PHACTR3: variants seen among roughly 807,000 people sequenced by gnomAD.
PHACTR3 encodes protein phosphatase 1, regulatory subunit 123.
A neutral mutation model predicts 66.8 loss-of-function variants in PHACTR3; 16 were observed. That is an observed-to-expected ratio of 0.24 (90% CI 0.16 to 0.36). The LOEUF is 0.36. Among genes scored for constraint, PHACTR3 ranks in the 10% least tolerant of loss-of-function variants. PHACTR3 has a pLI of 1.00. For synonymous variants in PHACTR3, 323 were observed against 292.1 expected (o/e 1.11, Z -1.08); for missense variants, 647 against 719.9 (o/e 0.90, Z 1.16).
intron 8 of PHACTR3, among the ~76,000 whole-genome samples, chr20:59,809,879 C>T (rs6100602): frequency 0.12 from 18,638 of 152,134 alleles, 1,997 homozygotes; most frequent in East Asian, 0.37. Context: ...CCATTGGGTC[C>T]AGCTGGCACT....
chr20:59,717,408 C>A (rs527811664), intron 1 of PHACTR3, among the ~76,000 whole-genome samples: 1 of 152,346 alleles, frequency 6.6e-6, no homozygotes, highest in East Asian at 1.9e-4. Context: ...GATACTGACA[C>A]GGATGAAATC....
intron 7 of PHACTR3, among the ~76,000 whole-genome samples, chr20:59,801,688 G>T (rs2041417674): frequency 6.6e-6 from 1 of 152,202 alleles, no homozygotes; most frequent in South Asian, 2.1e-4. Flanking sequence ...TGGCAACAAT[G>T]AACAAGGTAT....
intron 1 of PHACTR3, among the ~76,000 whole-genome samples, chr20:59,579,110 A>C (rs140958268): frequency 1.1e-3 from 166 of 152,322 alleles, no homozygotes; most frequent in Non-Finnish European, 2.2e-3. Context: ...ACAGTGGGGC[A>C]TATTCTGGGT....
intron 1 of PHACTR3, among the ~76,000 whole-genome samples, chr20:59,644,833 G>GT (rs1239560129): frequency 6.6e-6 from 1 of 151,888 alleles, no homozygotes; most frequent in Non-Finnish European, 1.5e-5. Flanking sequence ...GTTGGCCAGT[G>GT]TTTTTTTTAG....
chr20:59,703,000 A>C (rs1338569133), intron 1 of PHACTR3, among the ~76,000 whole-genome samples: 1 of 152,216 alleles, frequency 6.6e-6, no homozygotes, highest in Non-Finnish European at 1.5e-5. Flanking sequence ...AATCCATTTC[A>C]AAGAGATCCT....
chr20:59,644,527 G>T lies in PHACTR3; in HGVS notation c.118+39395G>T, dbSNP rs1337035841. Among the ~76,000 whole-genome samples the T allele has an allele frequency of 2.0e-5, 3 of 152,190 alleles. No individual in the cohort carries two copies. In the East Asian group the frequency reaches 5.8e-4, roughly 29 times the overall value. On this transcript the variant is annotated intron_variant, in intron 1 of 12. Coordinates refer to ENST00000371015, the MANE Select transcript of PHACTR3 (RefSeq NM_080672.5). The stretch of plus-strand genomic sequence containing the variant: ...TGAGTTTGTTTTTGCTCCCAGCTGG[G>T]ACTCCAGGGTCTAGCACTGGCCTGG...
chr20:59,722,716 CAT>C (rs1287110935), intron 1 of PHACTR3, among the ~76,000 whole-genome samples: 1 of 152,032 alleles, frequency 6.6e-6, no homozygotes, highest in Non-Finnish European at 1.5e-5. Flanking sequence ...GCATGCCACA[CAT>C]GATGGGGAGT....
rs1325629818 is a variant in PHACTR3 at position 59,830,832 on chromosome 20, C to A, written c.1329-5673C>A. 6.6e-6 allele frequency among the ~76,000 whole-genome samples: 1 copy of A among 152,158 alleles called. No individual in the cohort carries two copies. Among genetic ancestry groups the A allele is most frequent in the Non-Finnish European group, 1.5e-5 (1 of 68,026 alleles). On this transcript the variant is annotated intron_variant, in intron 8 of 12. Transcript: ENST00000371015. The surrounding 1 kb of genome is among the most constrained non-coding windows in gnomAD (Gnocchi z 5.8). Reference sequence around the variant, plus strand: ...ATCACCCAGCTGGCAGGGGTCAGAGCTGGAACTGGAATCCTAGCTCTGTGC... The same window carrying A: ...ATCACCCAGCTGGCAGGGGTCAGAGATGGAACTGGAATCCTAGCTCTGTGC...
chr20:59,791,995 A>T (rs543604553), intron 7 of PHACTR3, among the ~76,000 whole-genome samples: 1 of 152,192 alleles, frequency 6.6e-6, no homozygotes, highest in Non-Finnish European at 1.5e-5. Flanking sequence ...GAGAAGACTG[A>T]TGTGAGATCT....
intron 1 of PHACTR3, among the ~76,000 whole-genome samples, chr20:59,638,185 G>T (rs778842968): frequency 1.3e-5 from 2 of 152,154 alleles, no homozygotes; most frequent in Non-Finnish European, 2.9e-5. Context: ...AAGTGCTCTT[G>T]TAGTACTTAG....
At chr20:59,685,012 T>C (rs2036809323) in intron 1 of PHACTR3, among the ~76,000 whole-genome samples, 1 of 152,168 alleles carries the variant, frequency 6.6e-6, no homozygotes, top group South Asian at 2.1e-4. Context: ...TGGTCTGGCG[T>C]GTCCTCCCCA....
Position 59,750,062 on chromosome 20 carries a change from G to T in PHACTR3, c.358+2227G>T, listed in dbSNP as rs145663291. Among the ~76,000 whole-genome samples the T allele has an allele frequency of 3.8e-3, 586 of 152,308 alleles. 2 individuals carry two copies. The highest frequency in any genetic ancestry group is 0.013 in the African/African-American group (543 of 41,566). On this transcript the variant is annotated intron_variant, in intron 3 of 12. Coordinates refer to ENST00000371015, the MANE Select transcript of PHACTR3 (RefSeq NM_080672.5). The stretch of plus-strand genomic sequence containing the variant: ...GGGCCCACTCTGTGTCAGGGTCTGT[G>T]CTAGCTGCTGAGGACACAGGTGAGC...
chr20:59,812,159 G>GT (rs1244657243), intron 8 of PHACTR3, among the ~76,000 whole-genome samples: 2 of 152,214 alleles, frequency 1.3e-5, no homozygotes, highest in Admixed American at 1.3e-4. Context: ...ATTCCCATTC[G>GT]TGACTGTTGT....
intron 11 of PHACTR3, among the ~76,000 whole-genome samples, chr20:59,841,939 C>T (rs1275581269): frequency 6.6e-6 from 1 of 152,052 alleles, no homozygotes; most frequent in African/African-American, 2.4e-5. Context: ...GGCAAGGCTG[C>T]CATAAGAGAT....
At chr20:59,751,249 A>G (rs2039570074) in intron 3 of PHACTR3, among the ~76,000 whole-genome samples, 1 of 152,150 alleles carries the variant, frequency 6.6e-6, no homozygotes, top group Non-Finnish European at 1.5e-5. Flanking sequence ...CACTGCTGGC[A>G]GGGACGAATC....
chr20:59,661,773 G>A (rs1298603377), intron 1 of PHACTR3, among the ~76,000 whole-genome samples: 9 of 152,050 alleles, frequency 5.9e-5, no homozygotes, highest in Admixed American at 5.9e-4. Flanking sequence ...CTGCCTCTCG[G>A]TGGGAGTTCT....
intron 1 of PHACTR3, among the ~76,000 whole-genome samples, chr20:59,728,282 G>C (rs775622526): frequency 4.6e-5 from 7 of 152,116 alleles, no homozygotes; most frequent in Non-Finnish European, 8.8e-5. Context: ...TGCAGTGGGT[G>C]TCAGTGCTTT....
At chr20:59,838,197 G>A (rs564023741) in intron 9 of PHACTR3, among the ~76,000 whole-genome samples, 2 of 152,144 alleles carry the variant, frequency 1.3e-5, no homozygotes, top group Non-Finnish European at 2.9e-5. Context: ...GAATTTTACT[G>A]CTAGGTTTGT....
chr20:59,592,568 C>T (rs1338956482), intron 1 of PHACTR3, among the ~76,000 whole-genome samples: 2 of 152,084 alleles, frequency 1.3e-5, no homozygotes, highest in Admixed American at 6.6e-5. Context: ...ATTTTCAGAC[C>T]GATTTATAAT....
Sources: allele counts gnomAD v4.1 joint callset (sites outside exome capture counted in the v4.1 genomes callset), GRCh38; gene constraint gnomAD v4.1.1; non-coding constraint Gnocchi (gnomAD v3.1); transcripts MANE v1.5; gene names NCBI Gene and HGNC (gene_info 2026-07-23, HGNC 2026-07-21).